Variants in PYY observed in about 807,000 individuals in gnomAD.
The protein encoded by PYY is peptide YY, also known as peptide tyrosine tyrosine.
PYY carries 12 observed loss-of-function variants against 10.3 expected under a neutral mutation model. The ratio of observed to expected loss-of-function variants is 1.17; its 90% confidence interval spans 0.75 to 1.89. The LOEUF (loss-of-function observed/expected upper bound fraction) is 1.89. Among genes scored for constraint, PYY ranks in the 40% most tolerant of loss-of-function variants. The pLI, the probability that PYY is intolerant of heterozygous loss-of-function variation, is 0.00. For synonymous variants in PYY, 66 were observed against 62.0 expected (o/e 1.06, Z -0.30); for missense variants, 141 against 134.0 (o/e 1.05, Z -0.26).
chr17:43,970,818 A>G (rs1051061382), intron 1 of PYY, among the ~76,000 whole-genome samples: 6 of 152,204 alleles, frequency 3.9e-5, no homozygotes, highest in African/African-American at 1.4e-4. Flanking sequence ...CTGGAATAAT[A>G]CAGTATGTGA....
intron 1 of PYY, among the ~76,000 whole-genome samples, chr17:43,998,332 C>T (rs559827695): frequency 3.3e-5 from 5 of 151,558 alleles, no homozygotes; most frequent in Non-Finnish European, 5.9e-5. Flanking sequence ...CCAAGACAGG[C>T]GGATTTCATG....
intron 1 of PYY, among the ~76,000 whole-genome samples, chr17:43,993,660 G>A (rs989169904): frequency 6.6e-6 from 1 of 151,678 alleles, no homozygotes; most frequent in South Asian, 2.1e-4. Context: ...ACTGATAAGT[G>A]AAAAATCAGA....
At chr17:43,996,052 C>T (rs1432626386) in intron 1 of PYY, among the ~76,000 whole-genome samples, 5 of 152,078 alleles carry the variant, frequency 3.3e-5, no homozygotes, top group African/African-American at 9.7e-5. Flanking sequence ...GACCCCTTCC[C>T]TTGAGTCTGG....
At chr17:44,001,173 A>G (rs1407723879) in intron 1 of PYY, among the ~76,000 whole-genome samples, 1 of 152,072 alleles carries the variant, frequency 6.6e-6, no homozygotes, top group Non-Finnish European at 1.5e-5. Flanking sequence ...AATTCCTGTC[A>G]CATTCATGCC....
intron 1 of PYY, among the ~76,000 whole-genome samples, chr17:43,978,573 G>T (rs1479012163): frequency 6.6e-6 from 1 of 152,076 alleles, no homozygotes; most frequent in Non-Finnish European, 1.5e-5. Context: ...CCCCTTGCCA[G>T]CCTCTCTCCC....
chr17:43,985,343 T>G (rs1193538415), intron 1 of PYY, among the ~76,000 whole-genome samples: 2 of 152,172 alleles, frequency 1.3e-5, no homozygotes, highest in Admixed American at 6.6e-5. Flanking sequence ...CCTGAGTAGC[T>G]GGGACTACAG....
chr17:43,973,902 C>T (rs2048812121), intron 1 of PYY, among the ~76,000 whole-genome samples: 1 of 152,132 alleles, frequency 6.6e-6, no homozygotes, highest in African/African-American at 2.4e-5. Context: ...GTGCCTGGAC[C>T]TCATGCCAAA....
intron 1 of PYY, among the ~76,000 whole-genome samples, chr17:43,999,022 G>A (rs560845368): frequency 1.6e-4 from 25 of 152,128 alleles, no homozygotes; most frequent in Middle Eastern, 3.2e-3. Flanking sequence ...ACAGGATCCC[G>A]AGAGAGAGAA....
chr17:43,962,255 T>TC (rs2048717192), intron 2 of PYY, among the ~76,000 whole-genome samples: 2 of 152,028 alleles, frequency 1.3e-5, no homozygotes, highest in African/African-American at 4.8e-5. Context: ...CTCCTCTATT[T>TC]CCCCCCTTCC....
At chr17:43,969,750 T>TTA (rs1487764459) in intron 1 of PYY, among the ~76,000 whole-genome samples, 2 of 4,930 alleles carry the variant, frequency 4.1e-4, no homozygotes, top group Admixed American at 6.7e-3. Context: ...CAAAAAAAAC[T>TTA]TTTTTTTTTT....
chr17:44,003,360 A>G (rs1474471787), intron 1 of PYY, among the ~76,000 whole-genome samples: 1 of 152,190 alleles, frequency 6.6e-6, no homozygotes, highest in African/African-American at 2.4e-5. Flanking sequence ...CTTTAAGTTT[A>G]AAAAGGTTAA....
intron 1 of PYY, among the ~76,000 whole-genome samples, chr17:44,003,013 ATTC>A (rs371759217): frequency 3.9e-5 from 6 of 152,186 alleles, no homozygotes; most frequent in African/African-American, 1.4e-4. Flanking sequence ...CTCTCACTTG[ATTC>A]TTTTTTAATT....
intron 1 of PYY, among the ~76,000 whole-genome samples, chr17:43,982,296 G>A (rs2048888620): frequency 6.6e-6 from 1 of 152,238 alleles, no homozygotes; most frequent in Admixed American, 6.5e-5. Flanking sequence ...CAGAAGTCTG[G>A]AGTGAGGCTA....
chr17:43,990,438 C>CAAAAAAA (rs59522069), intron 1 of PYY, among the ~76,000 whole-genome samples: 2 of 92,822 alleles, frequency 2.2e-5, no homozygotes, highest in Non-Finnish European at 2.3e-5. Context: ...GACTCCATCT[C>CAAAAAAA]AAAAAAAAAA....
rs2048923558 is a variant in PYY, at chr17:43,987,571, G to A, written c.-463+16820C>T. Among the ~76,000 whole-genome samples the A allele has an allele frequency of 6.6e-6, 1 of 152,210 alleles. No homozygotes were observed. The highest frequency in any genetic ancestry group is 2.4e-5 in the African/African-American group (1 of 41,444). On this transcript the variant is annotated intron_variant, in intron 1 of 6. Transcript: ENST00000360085. This position sits in a 1 kb window ranked among gnomAD's most constrained non-coding sequence, Gnocchi z 4.0. ...TCCAGCAATCTGTCTCCAGGTCTTGGAGCAGACAGCTCAGAATGACCACTC... is the reference window on the plus strand; with the variant it reads ...TCCAGCAATCTGTCTCCAGGTCTTGAAGCAGACAGCTCAGAATGACCACTC...
At chr17:43,980,763 C>T (rs1463804318) in intron 1 of PYY, among the ~76,000 whole-genome samples, 1 of 152,176 alleles carries the variant, frequency 6.6e-6, no homozygotes, top group African/African-American at 2.4e-5. Context: ...TGAGCCACCG[C>T]ACCTGGCCAC....
At chr17:43,967,687 T>G (rs2048763771) in intron 1 of PYY, among the ~76,000 whole-genome samples, 1 of 152,188 alleles carries the variant, frequency 6.6e-6, no homozygotes, top group Admixed American at 6.5e-5. Context: ...TCTCTCCTGC[T>G]GAATGCTGCT....
chr17:43,959,215 G>A (rs1210775649), intron 2 of PYY, among the ~76,000 whole-genome samples: 1 of 152,208 alleles, frequency 6.6e-6, no homozygotes, highest in Non-Finnish European at 1.5e-5. Flanking sequence ...AGACCTGTAT[G>A]TGTCTTTATG....
chr17:43,993,220 G>A (rs1011613038), intron 1 of PYY, among the ~76,000 whole-genome samples: 2 of 151,952 alleles, frequency 1.3e-5, no homozygotes, highest in Non-Finnish European at 2.9e-5. Flanking sequence ...CAGCACTTTG[G>A]GAGGCCAAGG....
Sources: gnomAD v4.1 joint callset for allele counts (sites outside exome capture counted in the v4.1 genomes callset) on GRCh38, gnomAD v4.1.1 for gene constraint, Gnocchi (gnomAD v3.1) non-coding constraint, MANE v1.5 for transcripts, NCBI Gene and HGNC (gene_info 2026-07-23, HGNC 2026-07-21) for gene names.